Variants in GALNT13 observed in about 807,000 individuals in gnomAD.
GALNT13 encodes polypeptide N-acetylgalactosaminyltransferase 13.
GALNT13 carries 28 observed loss-of-function variants against 64.2 expected under a neutral mutation model. The observed-to-expected ratio is 0.44, with a 90% CI of 0.32 to 0.60. The LOEUF is 0.60. GALNT13 is among the 20% of genes least tolerant of loss of function. The probability of loss-of-function intolerance (pLI) is 0.05; values close to 1 mark genes in which losing one functional copy is unlikely to be tolerated. For synonymous variants in GALNT13, 214 were observed against 224.6 expected (o/e 0.95, Z 0.42); for missense variants, 577 against 669.8 (o/e 0.86, Z 1.53).
At chr2:153,712,962 T>C in the GALNT13 span, among the ~76,000 whole-genome samples, 1 of 152,206 alleles carries the variant, frequency 6.6e-6, no homozygotes, top group African/African-American at 2.4e-5. Flanking sequence ...TCAGCCATTG[T>C]AAAAGAATAA....
the GALNT13 span, among the ~76,000 whole-genome samples, chr2:153,385,932 T>C: frequency 2.6e-5 from 4 of 152,158 alleles, no homozygotes; most frequent in African/African-American, 9.6e-5. Flanking sequence ...TATCCTGTCA[T>C]ATGGAAATAA....
chr2:153,983,786 G>A (rs1307465952), intron 3 of GALNT13, among the ~76,000 whole-genome samples: 1 of 151,880 alleles, frequency 6.6e-6, no homozygotes, highest in African/African-American at 2.4e-5. Context: ...GGTCTAAATG[G>A]TATGAACATA....
the GALNT13 span, among the ~76,000 whole-genome samples, chr2:153,094,437 A>G: frequency 6.6e-6 from 1 of 152,204 alleles, no homozygotes; most frequent in African/African-American, 2.4e-5. Context: ...AGGAAGAATC[A>G]ATATTGTGAA....
the GALNT13 span, among the ~76,000 whole-genome samples, chr2:153,085,351 A>G: frequency 6.6e-6 from 1 of 152,212 alleles, no homozygotes; most frequent in Non-Finnish European, 1.5e-5. Flanking sequence ...GACAATGGGG[A>G]AAATGTCTCC....
At chr2:153,173,091 A>ATATCTG in the GALNT13 span, 1 of 152,098 alleles carries the variant, frequency 6.6e-6, no homozygotes, top group East Asian at 1.9e-4. Context: ...ATCTATATCT[A>ATATCTG]TATCTATGTC....
chr2:154,263,354 T>C (rs1445863013), intron 8 of GALNT13, among the ~76,000 whole-genome samples: 6 of 152,184 alleles, frequency 3.9e-5, no homozygotes, highest in African/African-American at 1.2e-4. Flanking sequence ...TTGTGCTGAG[T>C]ACTCCACTCA....
chr2:153,094,410 A>T, the GALNT13 span, among the ~76,000 whole-genome samples: 30 of 152,228 alleles, frequency 2.0e-4, no homozygotes, highest in Admixed American at 2.6e-4. Context: ...ATGGAAGAAC[A>T]TTCCATGCTC....
chr2:153,911,241 TTA>T (rs1365434661), intron 2 of GALNT13, among the ~76,000 whole-genome samples: 1 of 152,210 alleles, frequency 6.6e-6, no homozygotes, highest in Non-Finnish European at 1.5e-5. Context: ...CCTAGTGTTT[TTA>T]TGTTTTCCAT....
intron 3 of GALNT13, among the ~76,000 whole-genome samples, chr2:154,075,136 GT>G (rs1268977881): frequency 6.6e-6 from 1 of 151,804 alleles, no homozygotes; most frequent in Non-Finnish European, 1.5e-5. Flanking sequence ...GAAATGAGAG[GT>G]GAGAGGATCA....
intron 3 of GALNT13, among the ~76,000 whole-genome samples, chr2:154,048,293 A>G (rs1197672279): frequency 6.6e-6 from 1 of 152,148 alleles, no homozygotes; most frequent in Non-Finnish European, 1.5e-5. Flanking sequence ...GCCCACCTCC[A>G]ACACTGGGTA....
At chr2:153,483,476 G>A in the GALNT13 span, among the ~76,000 whole-genome samples, 1 of 144,182 alleles carries the variant, frequency 6.9e-6, no homozygotes, top group East Asian at 2.0e-4. Flanking sequence ...GAGTGCAATG[G>A]CGCAATCTCA....
chr2:154,354,369 G>T (rs930928538), intron 9 of GALNT13, among the ~76,000 whole-genome samples: 1 of 126,180 alleles, frequency 7.9e-6, no homozygotes, highest in Non-Finnish European at 1.7e-5. Context: ...TTTTTCCTTT[G>T]CCAGACAGAT....
chr2:153,651,363 C>T, the GALNT13 span, among the ~76,000 whole-genome samples: 1 of 152,074 alleles, frequency 6.6e-6, no homozygotes, highest in Non-Finnish European at 1.5e-5. Context: ...AGCCAGGGTT[C>T]ATACCTAATT....
At chr2:153,863,746 A>G in the GALNT13 span, among the ~76,000 whole-genome samples, 3 of 152,170 alleles carry the variant, frequency 2.0e-5, no homozygotes, top group Admixed American at 6.6e-5. Flanking sequence ...TATATATTTA[A>G]CGAAATAATA....
At chr2:153,994,387 ATCT>A (rs1000034771) in intron 3 of GALNT13, among the ~76,000 whole-genome samples, 72 of 152,264 alleles carry the variant, frequency 4.7e-4, no homozygotes, top group African/African-American at 1.4e-3. Flanking sequence ...ACGTGTGCAC[ATCT>A]TCTTATAGCA....
the GALNT13 span, among the ~76,000 whole-genome samples, chr2:153,259,405 A>G: frequency 6.6e-6 from 1 of 151,794 alleles, no homozygotes; most frequent in Non-Finnish European, 1.5e-5. Flanking sequence ...TTTTGATTGA[A>G]AAGTTTGGTC....
the GALNT13 span, among the ~76,000 whole-genome samples, chr2:153,234,074 T>C: frequency 1.3e-5 from 2 of 152,312 alleles, no homozygotes; most frequent in African/African-American, 4.8e-5. Context: ...ATAAACACTT[T>C]TAAAAAGGGT....
the GALNT13 span, among the ~76,000 whole-genome samples, chr2:153,727,671 A>G: frequency 6.6e-6 from 1 of 152,242 alleles, no homozygotes; most frequent in African/African-American, 2.4e-5. Flanking sequence ...GTATAAAACA[A>G]TCACCTGTGA....
chr2:153,993,558 A>G lies in GALNT13; in HGVS notation c.142+48919A>G, dbSNP rs1013029514. Among the ~76,000 whole-genome samples, 29 of 151,756 alleles carry G rather than the reference A, an allele frequency of 1.9e-4. 1 individual carries two copies. The highest frequency in any genetic ancestry group is 1.7e-3 in the Admixed American group (26 of 15,218). ...AAAATACAAAAAAAATTAGCCGGGC[A>G]TAGTGGCGGGCGCCTGTAGTCTCAG... On this transcript the variant is annotated intron_variant, in intron 3 of 12. Transcript: ENST00000392825.
Sources: allele counts gnomAD v4.1 joint callset (sites outside exome capture counted in the v4.1 genomes callset), GRCh38; gene constraint gnomAD v4.1.1; transcripts MANE v1.5; gene names NCBI Gene and HGNC (gene_info 2026-07-23, HGNC 2026-07-21).